SLC24A3: variants seen among roughly 807,000 people sequenced by gnomAD.
SLC24A3 encodes the protein sodium/potassium/calcium exchanger 3.
SLC24A3 carries 28 observed loss-of-function variants against 75.8 expected under a neutral mutation model. The observed-to-expected ratio is 0.37, with a 90% CI of 0.27 to 0.51. SLC24A3 has a LOEUF of 0.51. Among genes scored for constraint, SLC24A3 ranks in the 20% least tolerant of loss-of-function variants. SLC24A3 has a pLI of 0.94. For synonymous variants in SLC24A3, 372 were observed against 334.1 expected (o/e 1.11, Z -1.24); for missense variants, 663 against 847.8 (o/e 0.78, Z 2.71).
intron 2 of SLC24A3, among the ~76,000 whole-genome samples, chr20:19,492,199 C>T (rs1239214245): frequency 6.6e-6 from 1 of 152,178 alleles, no homozygotes; most frequent in Non-Finnish European, 1.5e-5. Context: ...TTCTTCTTTA[C>T]TATACTCTAA....
At chr20:19,683,978 A>G (rs1396798987) in intron 10 of SLC24A3, among the ~76,000 whole-genome samples, 198 bp from the exon 11 acceptor site, 1 of 152,082 alleles carries the variant, frequency 6.6e-6, no homozygotes, top group African/African-American at 2.4e-5. Context: ...GGATGGATGG[A>G]AAGAAGAATG....
At chr20:19,362,569 A>G (rs1461425328) in intron 2 of SLC24A3, among the ~76,000 whole-genome samples, 2 of 152,246 alleles carry the variant, frequency 1.3e-5, no homozygotes, top group African/African-American at 2.4e-5. Flanking sequence ...TGCAGTCACC[A>G]TGACGTTTCT....
chr20:19,709,568 A>G (rs908255725), intron 15 of SLC24A3, among the ~76,000 whole-genome samples: 3 of 151,870 alleles, frequency 2.0e-5, no homozygotes, highest in African/African-American at 4.8e-5. Context: ...GTCGCAGTGA[A>G]CTGAGATCAT....
rs1290075878 is a variant in SLC24A3 at position 19,515,432 on chromosome 20, C to A, written c.272-56C>A. The A allele has an allele frequency of 2.6e-6, 4 of 1,541,518 alleles. No individual in the cohort carries two copies. In the East Asian group the frequency reaches 9.0e-5, roughly 35 times the overall value. On this transcript the variant is annotated intron_variant, in intron 2 of 16. Transcript: ENST00000328041. ...GTTAAAACCAAGACTCCCAGACCTACAGCACTGAAAATGTGGTCACCTGTG... is the reference window on the plus strand; with the variant it reads ...GTTAAAACCAAGACTCCCAGACCTAAAGCACTGAAAATGTGGTCACCTGTG...
chr20:19,442,119 T>C (rs1435508262), intron 2 of SLC24A3, among the ~76,000 whole-genome samples: 1 of 152,234 alleles, frequency 6.6e-6, no homozygotes, highest in Non-Finnish European at 1.5e-5. Flanking sequence ...AAGAACATCT[T>C]GGTTTCTTCC....
At chr20:19,697,038 AGAGG>A (rs1215664916) in intron 14 of SLC24A3, 127 bp downstream of exon 14, 6 of 537,978 alleles carry the variant, frequency 1.1e-5, no homozygotes, top group African/African-American at 6.0e-5. Context: ...AGAGAAGGAA[AGAGG>A]GAGGGAGGGA....
At chr20:19,286,707 G>A (rs1002905575) in intron 2 of SLC24A3, among the ~76,000 whole-genome samples, 1 of 152,200 alleles carries the variant, frequency 6.6e-6, no homozygotes, top group Admixed American at 6.5e-5. Flanking sequence ...GGAACAAGAT[G>A]TGAGCTACAA....
intron 3 of SLC24A3, among the ~76,000 whole-genome samples, chr20:19,578,838 T>C (rs987515118): frequency 6.6e-6 from 1 of 152,094 alleles, no homozygotes; most frequent in Admixed American, 6.5e-5. Context: ...GGACACCTGA[T>C]CAAGGGCTCA....
intron 2 of SLC24A3, among the ~76,000 whole-genome samples, chr20:19,390,354 A>G (rs1451785366): frequency 6.6e-6 from 1 of 152,142 alleles, no homozygotes; most frequent in Non-Finnish European, 1.5e-5. Flanking sequence ...TGATCCAGAG[A>G]TGCTCAATGG....
chr20:19,717,459 T>G, intron 15 of SLC24A3, 69 bp from the exon 16 acceptor site: 2 of 1,557,012 alleles, frequency 1.3e-6, no homozygotes, highest in Non-Finnish European at 1.8e-6. Flanking sequence ...GGCAGATGCC[T>G]TTTCCAAAGC....
At chr20:19,691,133 A>G (rs1173973208) in intron 12 of SLC24A3, among the ~76,000 whole-genome samples, 1 of 152,246 alleles carries the variant, frequency 6.6e-6, no homozygotes, top group Non-Finnish European at 1.5e-5. Context: ...TTAAGAAACA[A>G]CCCTGATGGT....
At chr20:19,580,342 A>T (rs553445928) in intron 4 of SLC24A3, among the ~76,000 whole-genome samples, 5 of 152,260 alleles carry the variant, frequency 3.3e-5, no homozygotes, top group South Asian at 2.1e-4. Context: ...AACTAATGGT[A>T]CTATTTGTGT....
rs186139902 is a variant in SLC24A3 at position 19,581,539 on chromosome 20, A to G, written c.423+1465A>G. Among the ~76,000 whole-genome samples, 9 of 152,316 alleles carry G rather than the reference A, an allele frequency of 5.9e-5. No individual in the cohort carries two copies. The East Asian group carries it at 9.7e-4, about 16-fold the overall frequency. Reference sequence around the variant, plus strand: ...GTGTGAGTCTTTTAACAAAAAAGTTATAAGGAGAGGAAAAGGAAAGAAAAT... The same window carrying G: ...GTGTGAGTCTTTTAACAAAAAAGTTGTAAGGAGAGGAAAAGGAAAGAAAAT... On this transcript the variant is annotated intron_variant, in intron 4 of 16. Transcript: ENST00000328041.
At chr20:19,651,933 CCTCT>C (rs1203037335) in intron 6 of SLC24A3, among the ~76,000 whole-genome samples, 1 of 151,914 alleles carries the variant, frequency 6.6e-6, no homozygotes, top group Non-Finnish European at 1.5e-5. Flanking sequence ...TCATTTCCTC[CCTCT>C]GTGTTCTCTG....
intron 2 of SLC24A3, among the ~76,000 whole-genome samples, chr20:19,478,123 A>T (rs969456884): frequency 6.6e-6 from 1 of 152,174 alleles, no homozygotes; most frequent in African/African-American, 2.4e-5. Context: ...GAATCCAGAG[A>T]TTGTCCATCA....
chr20:19,493,385 C>A (rs561553816), intron 2 of SLC24A3, among the ~76,000 whole-genome samples: 1 of 152,094 alleles, frequency 6.6e-6, no homozygotes, highest in South Asian at 2.1e-4. Flanking sequence ...ATAAGCAAAC[C>A]GGGTGAACAC....
chr20:19,659,864 G>A (rs1370728804), intron 7 of SLC24A3, among the ~76,000 whole-genome samples: 1 of 152,144 alleles, frequency 6.6e-6, no homozygotes, highest in Admixed American at 6.5e-5. Flanking sequence ...TTACTTTGTG[G>A]TCTAGTTTTT....
intron 2 of SLC24A3, among the ~76,000 whole-genome samples, chr20:19,368,467 A>G (rs899015865): frequency 2.0e-5 from 3 of 152,182 alleles, no homozygotes; most frequent in African/African-American, 7.2e-5. Flanking sequence ...CATCTCCACC[A>G]GCAGCACTGA....
intron 7 of SLC24A3, among the ~76,000 whole-genome samples, chr20:19,663,092 A>G (rs1238851842): frequency 6.6e-6 from 1 of 152,064 alleles, no homozygotes; most frequent in African/African-American, 2.4e-5. Context: ...TTTTAGAGAC[A>G]GGGTCTTGCT....
Sources: allele counts gnomAD v4.1 joint callset (sites outside exome capture counted in the v4.1 genomes callset), GRCh38; gene constraint gnomAD v4.1.1; transcripts MANE v1.5; gene names NCBI Gene and HGNC (gene_info 2026-07-23, HGNC 2026-07-21).